Variants in OSBPL10 observed in about 807,000 individuals in gnomAD.
OSBPL10 encodes oxysterol binding protein like 10, also known as oxysterol-binding protein-related protein 10.
Under a neutral mutation model 81.7 loss-of-function variants are expected in OSBPL10, and 49 were observed. The observed-to-expected ratio is 0.60, with a 90% confidence interval of 0.48 to 0.76. The LOEUF (loss-of-function observed/expected upper bound fraction) is 0.76. Ranked by LOEUF, OSBPL10 falls within the 30% of genes least tolerant of loss-of-function variation. OSBPL10 has a pLI of 0.00. For missense variants in OSBPL10, 923 were observed against 987.8 expected, an observed-to-expected ratio of 0.93 and a Z score of 0.88; for synonymous variants, 419 against 383.6, an observed-to-expected ratio of 1.09 and a Z score of -1.08.
intron 4 of OSBPL10, among the ~76,000 whole-genome samples, chr3:31,755,537 A>C (rs1025836523): frequency 3.9e-5 from 6 of 152,202 alleles, no homozygotes; most frequent in African/African-American, 1.4e-4. Flanking sequence ...GTCATTATTG[A>C]GGCTGACCGT....
intron 1 of OSBPL10, among the ~76,000 whole-genome samples, chr3:31,955,034 GA>G (rs754989210): frequency 2.0e-5 from 3 of 152,190 alleles, no homozygotes; most frequent in Non-Finnish European, 4.4e-5. Flanking sequence ...TAAAATGAGG[GA>G]GGGGGCAGTT....
chr3:32,012,276 G>C (rs966398627), intron 2 of OSBPL10, among the ~76,000 whole-genome samples: 5 of 152,146 alleles, frequency 3.3e-5, no homozygotes, highest in African/African-American at 7.2e-5. Flanking sequence ...GAAGAGAGTG[G>C]GGGCCAATAT....
chr3:31,843,540 T>G (rs1346912694), intron 3 of OSBPL10, among the ~76,000 whole-genome samples: 2 of 152,236 alleles, frequency 1.3e-5, no homozygotes, highest in Non-Finnish European at 2.9e-5. Context: ...AGAACCCATC[T>G]AAAACAATAA....
intron 1 of OSBPL10, among the ~76,000 whole-genome samples, chr3:31,885,405 TCA>T (rs941337076): frequency 1.3e-5 from 2 of 152,122 alleles, no homozygotes; most frequent in African/African-American, 4.8e-5. Context: ...ATTTGCATAT[TCA>T]CACTCACCTG....
intron 1 of OSBPL10, among the ~76,000 whole-genome samples, chr3:31,913,450 G>A (rs916406342): frequency 2.6e-5 from 4 of 152,032 alleles, no homozygotes; most frequent in South Asian, 2.1e-4. Flanking sequence ...GGGTTCCACC[G>A]TGTTAGCCAG....
intron 4 of OSBPL10, among the ~76,000 whole-genome samples, chr3:31,803,474 T>C (rs6798738): frequency 0.044 from 6,729 of 152,290 alleles, 548 homozygotes; most frequent in African/African-American, 0.15. Flanking sequence ...TGATGGGTAT[T>C]TCAAAACATT....
At chr3:31,877,509 A>T (rs899467349) in intron 2 of OSBPL10, among the ~76,000 whole-genome samples, 1 of 152,222 alleles carries the variant, frequency 6.6e-6, no homozygotes, top group Non-Finnish European at 1.5e-5. Context: ...ATGAAATCTA[A>T]ATCATCAATT....
At chr3:32,058,362 G>C (rs4955133) in intron 1 of OSBPL10, among the ~76,000 whole-genome samples, 102,525 of 152,010 alleles carry the variant, frequency 0.67, 37,132 homozygotes, top group East Asian at 0.91. Flanking sequence ...ACAGAGTTTT[G>C]CTCTGTCACC....
Position 31,707,637 on chromosome 3 carries a change from C to T in OSBPL10, c.1096-5129G>A, listed in dbSNP as rs894182059. 1.5e-4 allele frequency among the ~76,000 whole-genome samples: 23 copies of T among 152,242 alleles called. No homozygotes were observed. The East Asian group carries it at 4.1e-3, about 27-fold the overall frequency. ...AAAAAAATGGGTAGTCTGAGGGTCACAGAAATGCAGGCAGTAGGTGAGAAG... is the reference window on the plus strand; with the variant it reads ...AAAAAAATGGGTAGTCTGAGGGTCATAGAAATGCAGGCAGTAGGTGAGAAG... On this transcript the variant is annotated intron_variant, in intron 6 of 11. Transcript: ENST00000396556.
rs576176660 is a variant in OSBPL10 at position 31,780,216 on chromosome 3, C to G, written c.730-32096G>C. ...GCTGAGGCAGGAGAATGGCATGAACCCGGGAGGCAGAGCTTGCAGTGAGCC... is the reference window on the plus strand; with the variant it reads ...GCTGAGGCAGGAGAATGGCATGAACGCGGGAGGCAGAGCTTGCAGTGAGCC... On this transcript the variant is annotated intron_variant, in intron 4 of 11. Transcript: ENST00000396556. 6.6e-5 allele frequency among the ~76,000 whole-genome samples: 10 copies of G among 152,170 alleles called. No homozygotes were observed. The South Asian group carries it at 1.9e-3, about 28-fold the overall frequency.
chr3:31,797,841 C>A (rs1480095990), intron 4 of OSBPL10: 1 of 455,002 alleles, frequency 2.2e-6, no homozygotes, highest in East Asian at 7.0e-5. Context: ...CAAGCCTTCA[C>A]CTATAAAAAT....
chr3:31,816,101 G>T lies in OSBPL10; in HGVS notation c.729+13939C>A, dbSNP rs1699826795. The stretch of plus-strand genomic sequence containing the variant: ...ATCGTCAGGAGGAAAGGTTTGAAAG[G>T]TATAAAGTCAGTCTGCCCCAGTTGC... On this transcript the variant is annotated intron_variant, in intron 4 of 11. Coordinates refer to ENST00000396556, the MANE Select transcript of OSBPL10 (RefSeq NM_017784.5). Among the ~76,000 whole-genome samples, 4 of 75,374 alleles carry T rather than the reference G, an allele frequency of 5.3e-5. No homozygotes were observed. The South Asian group carries it at 2.7e-3, about 51-fold the overall frequency. 49.4% of individuals were successfully genotyped at this position (75,374 alleles called of 152,430 possible).
chr3:32,009,297 A>T (rs765902641), intron 2 of OSBPL10, among the ~76,000 whole-genome samples: 1 of 152,126 alleles, frequency 6.6e-6, no homozygotes, highest in Non-Finnish European at 1.5e-5. Flanking sequence ...CATAATGGGG[A>T]TAGGGAAAGA....
intron 3 of OSBPL10, among the ~76,000 whole-genome samples, chr3:31,842,524 A>G (rs1328400253): frequency 1.3e-5 from 2 of 152,226 alleles, no homozygotes; most frequent in African/African-American, 4.8e-5. Flanking sequence ...GGCTTTACAT[A>G]AAACACAAAA....
chr3:31,878,848 T>TGTGTGC (rs1052315688), intron 2 of OSBPL10, among the ~76,000 whole-genome samples: 5 of 150,398 alleles, frequency 3.3e-5, no homozygotes, highest in African/African-American at 1.2e-4. Context: ...TGTGTGTGTG[T>TGTGTGC]GCATGCACTT....
intron 1 of OSBPL10, among the ~76,000 whole-genome samples, chr3:31,922,848 G>A (rs2125708591): frequency 6.6e-6 from 1 of 152,050 alleles, no homozygotes; most frequent in African/African-American, 2.4e-5. Context: ...GGCCAAACCT[G>A]CCTTAATTCT....
chr3:31,791,599 T>C (rs1699011867), intron 4 of OSBPL10, among the ~76,000 whole-genome samples: 1 of 152,156 alleles, frequency 6.6e-6, no homozygotes, highest in African/African-American at 2.4e-5. Flanking sequence ...ACTTGAGTTC[T>C]TACTGGCTCA....
At chr3:31,731,052 C>A (rs1696957533) in intron 6 of OSBPL10, among the ~76,000 whole-genome samples, 1 of 152,132 alleles carries the variant, frequency 6.6e-6, no homozygotes, top group African/African-American at 2.4e-5. Context: ...AAGGAGGCAA[C>A]AGCAACATTT....
intron 4 of OSBPL10, among the ~76,000 whole-genome samples, chr3:31,821,643 T>C (rs1175420084): frequency 2.0e-5 from 3 of 152,212 alleles, no homozygotes; most frequent in Non-Finnish European, 4.4e-5. Flanking sequence ...GGCAAATTGC[T>C]ACTAAAAATA....
Sources: allele counts gnomAD v4.1 joint callset (sites outside exome capture counted in the v4.1 genomes callset), GRCh38; gene constraint gnomAD v4.1.1; transcripts MANE v1.5; gene names NCBI Gene and HGNC (gene_info 2026-07-23, HGNC 2026-07-21).